Variants in ANKRD13C observed in about 807,000 individuals in gnomAD.
ANKRD13C encodes ankyrin repeat domain 13C.
A neutral mutation model predicts 65.5 loss-of-function variants in ANKRD13C; 16 were observed. The observed-to-expected ratio is 0.24, with a 90% CI of 0.17 to 0.37. The LOEUF (loss-of-function observed/expected upper bound fraction) is 0.37. ANKRD13C is among the 10% of genes least tolerant of loss of function. The pLI, the probability that ANKRD13C is intolerant of heterozygous loss-of-function variation, is 1.00. For missense variants in ANKRD13C, 503 were observed against 655.9 expected, an observed-to-expected ratio of 0.77 and a Z score of 2.55; for synonymous variants, 235 against 238.7, an observed-to-expected ratio of 0.98 and a Z score of 0.14.
intron 7 of ANKRD13C, among the ~76,000 whole-genome samples, chr1:70,297,257 T>C (rs1680120767): frequency 6.7e-6 from 1 of 149,758 alleles, no homozygotes; most frequent in African/African-American, 2.4e-5. Flanking sequence ...CTTCACCATC[T>C]AACTTTAACC....
chr1:70,302,314 G>A (rs1407066584), intron 6 of ANKRD13C, among the ~76,000 whole-genome samples: 1 of 152,038 alleles, frequency 6.6e-6, no homozygotes, highest in Non-Finnish European at 1.5e-5. Flanking sequence ...GGCGGCGGGG[G>A]GGCGGGGGGC....
rs771971813 is a variant in ANKRD13C at position 70,300,787 on chromosome 1, C to G, written c.898G>C (p.Val300Leu). 2 of 1,610,498 alleles carry G rather than the reference C, an allele frequency of 1.2e-6. No individual in the cohort carries two copies. Among genetic ancestry groups the G allele is most frequent in the Non-Finnish European group, 1.7e-6 (2 of 1,178,834 alleles). Residue 300 changes from valine (V) to leucine (L), a missense_variant, in exon 7 of 13, where the codon GTT becomes CTT. Transcript: ENST00000370944. The part of the protein sequence containing the change: ...SFVVLDNEQK[V>L]YQRIHHEESE... ...ACCTCATGATGTATTCGCTGATAAA[C>G]TTTTTGTTCATTGTCTAATACTACA...
intron 12 of ANKRD13C, among the ~76,000 whole-genome samples, chr1:70,270,652 A>T (rs1295053063): frequency 6.6e-6 from 1 of 152,134 alleles, no homozygotes; most frequent in Non-Finnish European, 1.5e-5. Flanking sequence ...GCCACCACTG[A>T]TCTGACAGGA....
intron 12 of ANKRD13C, among the ~76,000 whole-genome samples, chr1:70,265,046 G>T (rs1214005423): frequency 6.6e-6 from 1 of 152,114 alleles, no homozygotes; most frequent in Non-Finnish European, 1.5e-5. Flanking sequence ...TGAATGAGAG[G>T]AAGATTAGCA....
chr1:70,306,148 G>T lies in ANKRD13C; in HGVS notation c.776+76C>A, dbSNP rs563161355. On this transcript the variant is annotated intron_variant, in intron 6 of 12. Transcript: ENST00000370944. ...TTTTAACGTCATAAAACACATGTAA[G>T]TTATGATTACAGGGAAAAAAATCTT... 25 of 1,039,602 alleles carry T rather than the reference G, an allele frequency of 2.4e-5. 1 individual carries two copies. The South Asian group carries it at 4.2e-4, about 17-fold the overall frequency. 64.4% of individuals were successfully genotyped at this position (1,039,602 alleles called of 1,614,324 possible).
chr1:70,349,887 G>C (rs906840678), intron 1 of ANKRD13C, among the ~76,000 whole-genome samples: 1 of 152,208 alleles, frequency 6.6e-6, no homozygotes, highest in Non-Finnish European at 1.5e-5. Flanking sequence ...TGTAATCCCA[G>C]CACTTTTGTA....
chr1:70,329,696 G>T (rs10749795), intron 2 of ANKRD13C, among the ~76,000 whole-genome samples: 151,145 of 152,278 alleles, frequency 0.99, 75,019 homozygotes, highest in Middle Eastern at 1. Flanking sequence ...TGCCCTTCAC[G>T]CACTAGTCAC....
intron 2 of ANKRD13C, among the ~76,000 whole-genome samples, chr1:70,330,401 T>C (rs1443725224): frequency 1.3e-5 from 2 of 150,958 alleles, no homozygotes; most frequent in Non-Finnish European, 3.0e-5. Context: ...CTACTAAAAA[T>C]AAAAAACTTA....
Position 70,354,403 on chromosome 1 carries a change from G to C in ANKRD13C, c.6C>G (p.Thr2=). The change falls in exon 1 of 13, where the codon ACC becomes ACG. Residue 2 remains threonine, a synonymous_variant. Coordinates refer to ENST00000370944, the MANE Select transcript of ANKRD13C (RefSeq NM_030816.5). M[T]GEKIRSLRRD... The stretch of plus-strand genomic sequence containing the variant: ...TCCGCAGTGAGCGGATCTTCTCCCC[G>C]GTCATCGCCGCCGCCAGGGGCAAGG... 1.2e-6 allele frequency: 2 copies of C among 1,610,566 alleles called. No homozygotes were observed. Among genetic ancestry groups the C allele is most frequent in the Non-Finnish European group, 1.7e-6 (2 of 1,177,680 alleles).
chr1:70,263,284 C>A (rs780599143), intron 12 of ANKRD13C, among the ~76,000 whole-genome samples: 5 of 152,122 alleles, frequency 3.3e-5, no homozygotes, highest in South Asian at 2.1e-4. Flanking sequence ...ATACTCTAAT[C>A]CTTTTCTGTT....
rs750873154 is a variant in ANKRD13C at position 70,306,277 on chromosome 1, G to A, written c.723C>T (p.Ser241=). The change falls in exon 6 of 13, where the codon TCC becomes TCT. Residue 241 remains serine (S), a synonymous_variant. Transcript: ENST00000370944. The part of the protein sequence containing the change: ...WDFQSWVPLL[S]RILPSDACKI... ...TACATGCATCGGAAGGCAGAATTCGGGAAAGTAAAGGCACTGTATTTTTAA... is the reference window on the plus strand; with the variant it reads ...TACATGCATCGGAAGGCAGAATTCGAGAAAGTAAAGGCACTGTATTTTTAA... The A allele has an allele frequency of 4.5e-6, 7 of 1,572,926 alleles. No homozygotes were observed. In the African/African-American group the frequency reaches 6.8e-5, roughly 15 times the overall value.
At chr1:70,308,604 T>C (rs270489) in intron 5 of ANKRD13C, among the ~76,000 whole-genome samples, 2 of 151,716 alleles carry the variant, frequency 1.3e-5, no homozygotes, top group African/African-American at 2.4e-5. Flanking sequence ...CCAGGTGTGG[T>C]GGCGGGCGCC....
At chr1:70,303,412 A>G (rs76807039) in intron 6 of ANKRD13C, among the ~76,000 whole-genome samples, 2,674 of 152,290 alleles carry the variant, frequency 0.018, 84 homozygotes, top group African/African-American at 0.06. Context: ...TTAAGAAGAA[A>G]GCCTGAAAAA....
chr1:70,283,279 G>A (rs1021116320), intron 9 of ANKRD13C, among the ~76,000 whole-genome samples: 3 of 152,072 alleles, frequency 2.0e-5, no homozygotes, highest in Non-Finnish European at 2.9e-5. Flanking sequence ...AAAGGTTGGT[G>A]CAATACCAGA....
intron 2 of ANKRD13C, among the ~76,000 whole-genome samples, chr1:70,329,615 G>A (rs912203969): frequency 1.3e-5 from 2 of 152,152 alleles, no homozygotes; most frequent in Non-Finnish European, 2.9e-5. Flanking sequence ...CAGAATTCAT[G>A]TAAGATTTAT....
chr1:70,347,091 CAAAAA>C (rs35972712), intron 1 of ANKRD13C, among the ~76,000 whole-genome samples: 2 of 36,340 alleles, frequency 5.5e-5, no homozygotes, highest in African/African-American at 2.6e-4. Context: ...GGCTCCGTCT[CAAAAA>C]AAAAAAAAAA....
intron 1 of ANKRD13C, among the ~76,000 whole-genome samples, chr1:70,341,298 C>G (rs1459329655): frequency 6.6e-6 from 1 of 150,856 alleles, no homozygotes; most frequent in Non-Finnish European, 1.5e-5. Context: ...TTAACTGAAG[C>G]ATTTAATCCA....
chr1:70,271,363 G>C (rs1678871569), intron 11 of ANKRD13C, among the ~76,000 whole-genome samples: 1 of 152,134 alleles, frequency 6.6e-6, no homozygotes, highest in Non-Finnish European at 1.5e-5. Context: ...AGGTTATACT[G>C]TCTTTCCTTC....
chr1:70,315,067 C>T (rs1282635506), intron 4 of ANKRD13C, among the ~76,000 whole-genome samples: 2 of 152,104 alleles, frequency 1.3e-5, no homozygotes, highest in African/African-American at 2.4e-5. Context: ...GGTGAAACCC[C>T]ATCTCTACTA....
Sources: gnomAD v4.1 joint callset for allele counts (sites outside exome capture counted in the v4.1 genomes callset) on GRCh38, gnomAD v4.1.1 for gene constraint, MANE v1.5 for transcripts, NCBI Gene and HGNC (gene_info 2026-07-23, HGNC 2026-07-21) for gene names.